The following VPS35 variants were observed in gnomAD, a reference collection of about 807,000 sequenced individuals.
The protein encoded by VPS35 is VPS35 retromer complex component, also known as vacuolar protein sorting-associated protein 35.
A neutral mutation model predicts 98.1 loss-of-function variants in VPS35; 21 were observed. The observed-to-expected ratio is 0.21, with a 90% CI of 0.15 to 0.31. The LOEUF is 0.31. Among genes scored for constraint, VPS35 ranks in the 10% least tolerant of loss-of-function variants. VPS35 has a pLI of 1.00. For missense variants in VPS35, 554 were observed against 950.8 expected, an observed-to-expected ratio of 0.58 and a Z score of 5.49; for synonymous variants, 268 against 318.2, an observed-to-expected ratio of 0.84 and a Z score of 1.68.
At chr16:46,670,332 G>A (rs942591150) in intron 12 of VPS35, among the ~76,000 whole-genome samples, 6 of 152,206 alleles carry the variant, frequency 3.9e-5, no homozygotes, top group African/African-American at 1.4e-4. Flanking sequence ...TGCCCAGGCT[G>A]GAGTGCAATG....
At position 46,663,039 on chromosome 16, in the gene VPS35, C is replaced by A. The variant is rs1369462183; in HGVS notation, c.1771G>T (p.Ala591Ser). The change falls in exon 14 of 17, where the codon GCT (alanine) becomes TCT (serine). Residue 591 changes from alanine (A) to serine (S), a missense_variant. By Grantham distance (99) the Ala-to-Ser change is moderately conservative. Transcript: ENST00000299138. ...LRLFLQGALA[A>S]GEIGFENHET... Reference sequence around the variant, plus strand: ...TGATTTTCAAAACCAATTTCCCCAGCAGCTAGTGCTCCTTGAAGAAAAAGT... The same window carrying A: ...TGATTTTCAAAACCAATTTCCCCAGAAGCTAGTGCTCCTTGAAGAAAAAGT... 2 of 1,614,248 alleles carry A rather than the reference C, an allele frequency of 1.2e-6. No homozygotes were observed. Among genetic ancestry groups the A allele is most frequent in the East Asian group, 2.2e-5 (1 of 44,888 alleles).
chr16:46,686,442 G>A (rs926733294), intron 1 of VPS35, among the ~76,000 whole-genome samples: 2 of 152,120 alleles, frequency 1.3e-5, no homozygotes, highest in East Asian at 1.9e-4. Flanking sequence ...ACAAAAGAAT[G>A]CAATTTTAGG....
At chr16:46,660,838 A>AAAAAAAAG (rs1567467347) in intron 16 of VPS35, 187 bp from the exon 17 acceptor site, 8 of 676,368 alleles carry the variant, frequency 1.2e-5, no homozygotes, top group South Asian at 1.1e-4. Context: ...AAAAAAAAAA[A>AAAAAAAAG]ACAACCCTTT....
rs926495704 is a variant in VPS35, at chr16:46,661,634, G to A, written c.2211+84C>T. Reference sequence around the variant, plus strand: ...TGAACAGTGATTAAAGTATCAGAATGATAAACTTTTGTACATATCAAATCT... The same window carrying A: ...TGAACAGTGATTAAAGTATCAGAATAATAAACTTTTGTACATATCAAATCT... On this transcript the variant is annotated intron_variant, in intron 16 of 16. Coordinates refer to ENST00000299138, the MANE Select transcript of VPS35 (RefSeq NM_018206.6). The surrounding 1 kb of genome is among the most constrained non-coding windows in gnomAD (Gnocchi z 4.3). 4.7e-6 allele frequency: 6 copies of A among 1,264,776 alleles called. No individual in the cohort carries two copies. The highest frequency in any genetic ancestry group is 1.5e-5 in the African/African-American group (1 of 67,012). 78.3% of individuals were successfully genotyped at this position (1,264,776 alleles called of 1,614,324 possible).
At chr16:46,682,310 T>A in intron 2 of VPS35, 135 bp from the exon 3 acceptor site, 1 of 725,286 alleles carries the variant, frequency 1.4e-6, no homozygotes, top group Admixed American at 2.5e-5. Context: ...TTTAACCACA[T>A]TAAAAAAACA....
chr16:46,687,339 T>C lies in VPS35; in HGVS notation c.3+1792A>G, dbSNP rs555275697. Among the ~76,000 whole-genome samples, 3 of 152,312 alleles carry C rather than the reference T, an allele frequency of 2.0e-5. No individual in the cohort carries two copies. The East Asian group carries it at 5.8e-4, about 29-fold the overall frequency. On this transcript the variant is annotated intron_variant, in intron 1 of 16. Coordinates refer to ENST00000299138, the MANE Select transcript of VPS35 (RefSeq NM_018206.6). ...ATGAGGGCATGACAACTTCAAAATA[T>C]AATTTGAACACCAAACGGCTCTAAC...
intron 1 of VPS35, chr16:46,688,421 T>C (rs1321263873): frequency 4.1e-6 from 4 of 987,002 alleles, no homozygotes; most frequent in South Asian, 4.7e-5. Context: ...TAAGGAGAAG[T>C]ACTGCTTCCA....
In VPS35 at chr16:46,681,386, A is replaced by G; in HGVS notation, c.314T>C (p.Ile105Thr). The G allele has an allele frequency of 1.2e-6, 2 of 1,613,722 alleles. No homozygotes were observed. Among genetic ancestry groups the G allele is most frequent in the Non-Finnish European group, 1.7e-6 (2 of 1,179,700 alleles). ...YELVQYAGNI[I>T]PRLYLLITVG... ...ATTTGTAATTACTTACAGCCTTGGG[A>G]TAATGTTTCCAGCATACTGTACAAG... The change falls in exon 4 of 17, where the codon ATC becomes ACC. Residue 105 changes from isoleucine (I) to threonine (T), a missense_variant. Ile to Thr is a moderately conservative substitution (Grantham distance 89). Transcript: ENST00000299138.
Position 46,680,819 on chromosome 16 carries a change from T to G in VPS35, c.358A>C (p.Lys120Gln). 6.2e-7 allele frequency: 1 copy of G among 1,614,034 alleles called. No homozygotes were observed. The highest frequency in any genetic ancestry group is 8.5e-7 in the Non-Finnish European group (1 of 1,179,938). Reference protein sequence around the residue: ...LLITVGVVYVKSFPQSRKDIL... With the variant: ...LLITVGVVYVQSFPQSRKDIL... ...TCCTTCCTGGACTGAGGAAATGACT[T>G]GACATATACAACTCCAACTGTGATC... Residue 120 changes from lysine to glutamine, a missense_variant, in exon 5 of 17, where the codon AAG becomes CAG. By Grantham distance (53) the Lys-to-Gln change is moderately conservative (BLOSUM62 1). Transcript: ENST00000299138.
Position 46,689,166 on chromosome 16 carries a change from C to A in VPS35, c.-33G>T. On this transcript the variant is annotated 5_prime_UTR_variant, in exon 1 of 17. Coordinates refer to ENST00000299138, the MANE Select transcript of VPS35 (RefSeq NM_018206.6). ...CCCCAGAGCCTGCAGCAAGCAGCAC[C>A]CGCCCCGCGCGTAGCCTCCCGCGGT... 4 of 1,603,882 alleles carry A rather than the reference C, an allele frequency of 2.5e-6. No homozygotes were observed. Among genetic ancestry groups the A allele is most frequent in the Admixed American group, 1.7e-5 (1 of 59,018 alleles).
At chr16:46,683,925 A>G (rs563726863) in intron 1 of VPS35, among the ~76,000 whole-genome samples, 11 of 152,104 alleles carry the variant, frequency 7.2e-5, no homozygotes, top group Middle Eastern at 3.4e-3. Context: ...ACGGGGTTTC[A>G]CCATGTTAGC....
rs202010102 is a variant in VPS35 at position 46,679,169 on chromosome 16, A to G, written c.507-13T>C. The G allele has an allele frequency of 1.3e-6, 2 of 1,589,884 alleles. No homozygotes were observed. The highest frequency in any genetic ancestry group is 2.7e-5 in the African/African-American group (2 of 74,464). On this transcript the variant is annotated splice_polypyrimidine_tract_variant and intron_variant, in intron 5 of 16. Transcript: ENST00000299138. Reference sequence around the variant, plus strand: ...AGTTGTTTCTTCACTGCAAAGAAACAGAAAAGTCTTTACACAGTATTTACA... The same window carrying G: ...AGTTGTTTCTTCACTGCAAAGAAACGGAAAAGTCTTTACACAGTATTTACA...
At chr16:46,689,075 A>T in intron 1 of VPS35, 56 bp downstream of exon 1, 1 of 1,593,176 alleles carries the variant, frequency 6.3e-7, no homozygotes, top group South Asian at 1.1e-5. Context: ...GCGGTGGGAG[A>T]GAGCAGGGGC....
chr16:46,665,590 C>CAAAA (rs36051331), intron 13 of VPS35, among the ~76,000 whole-genome samples: 3 of 143,438 alleles, frequency 2.1e-5, no homozygotes, highest in Non-Finnish European at 3.0e-5. Flanking sequence ...GACCTTGACT[C>CAAAA]AAAAAAAAAA....
rs1386182043 is a variant in VPS35, at chr16:46,661,343, C to T, written c.2211+375G>A. On this transcript the variant is annotated intron_variant, in intron 16 of 16. Transcript: ENST00000299138. This position sits in a 1 kb window ranked among gnomAD's most constrained non-coding sequence, Gnocchi z 4.3. ...CTCCCAGGTTCAAGCGATTCTCCTGCCTTAGGCTTCCAAGTAGCTGGGATT... is the reference window on the plus strand; with the variant it reads ...CTCCCAGGTTCAAGCGATTCTCCTGTCTTAGGCTTCCAAGTAGCTGGGATT... Among the ~76,000 whole-genome samples, 1 of 152,154 alleles carries T rather than the reference C, an allele frequency of 6.6e-6. No individual in the cohort carries two copies. The highest frequency in any genetic ancestry group is 2.4e-5 in the African/African-American group (1 of 41,456).
intron 4 of VPS35, among the ~76,000 whole-genome samples, chr16:46,681,102 T>C (rs1966227716): frequency 4.7e-5 from 7 of 150,402 alleles, no homozygotes; most frequent in Admixed American, 4.6e-4. Flanking sequence ...TTAAACATAT[T>C]AGGAAGAGAA....
chr16:46,675,774 C>T (rs250420), intron 8 of VPS35, among the ~76,000 whole-genome samples: 150,025 of 152,278 alleles, frequency 0.99, 73,929 homozygotes, highest in East Asian at 1. Flanking sequence ...TGCAAAAAAG[C>T]CACCCATTGG....
chr16:46,673,495 T>G (rs1461969528), intron 10 of VPS35: 1 of 152,260 alleles, frequency 6.6e-6, no homozygotes, highest in Non-Finnish European at 1.5e-5. Context: ...AGGCCTGGCT[T>G]GACCCAAGCC....
At position 46,674,449 on chromosome 16, in the gene VPS35, A is replaced by C; in HGVS notation, c.1025T>G (p.Met342Arg). ...TAAAGATACAACATCCTCTGAAGGCATGTCTTGTCTAGACTGGAATGTTTA... is the reference window on the plus strand; with the variant it reads ...TAAAGATACAACATCCTCTGAAGGCCTGTCTTGTCTAGACTGGAATGTTTA... ...VATVIQSRQD[M>R]PSEDVVSLQV... Residue 342 changes from methionine to arginine, a missense_variant, in exon 10 of 17, where the codon ATG (methionine) becomes AGG (arginine). Physicochemically the swap from Met to Arg is moderately conservative, Grantham distance 91. Around this residue, in one of 5 missense-constraint regions of VPS35, gnomAD observed 254 missense variants for 390.1 expected, o/e 0.65. Transcript: ENST00000299138. 6.2e-7 allele frequency: 1 copy of C among 1,613,080 alleles called. No homozygotes were observed. Among genetic ancestry groups the C allele is most frequent in the East Asian group, 2.2e-5 (1 of 44,858 alleles).
Sources: gnomAD v4.1 joint callset for allele counts (sites outside exome capture counted in the v4.1 genomes callset) on GRCh38, gnomAD v4.1.1 for gene constraint, gnomAD v4.1.1 regional missense constraint, Gnocchi (gnomAD v3.1) non-coding constraint, MANE v1.5 for transcripts, NCBI Gene and HGNC (gene_info 2026-07-23, HGNC 2026-07-21) for gene names.